CNNM1: variants seen among roughly 807,000 people sequenced by gnomAD.
CNNM1 encodes the protein cyclin and CBS domain divalent metal cation transport mediator 1, also known as metal transporter CNNM1.
A neutral mutation model predicts 78.8 loss-of-function variants in CNNM1; 44 were observed. That is an observed-to-expected ratio of 0.56 (90% CI 0.44 to 0.72). The LOEUF (loss-of-function observed/expected upper bound fraction) is 0.72. CNNM1 is among the 30% of genes least tolerant of loss of function. The pLI, the probability that CNNM1 is intolerant of heterozygous loss-of-function variation, is 0.00. For synonymous variants in CNNM1, 584 were observed against 581.5 expected, an observed-to-expected ratio of 1.00 and a Z score of -0.06; for missense variants, 1,101 against 1,292.2, an observed-to-expected ratio of 0.85 and a Z score of 2.27.
Position 99,385,277 on chromosome 10 carries a change from C to A in CNNM1, c.2341-2543C>A, listed in dbSNP as rs11190078. On this transcript the variant is annotated intron_variant, in intron 7 of 10. Coordinates refer to ENST00000356713, the MANE Select transcript of CNNM1 (RefSeq NM_020348.3). ...TACTGAAACAGCCCCTTCCTTCTCT[C>A]TTCCTCCTCTCCTTTCTTCACTCAC... Among the ~76,000 whole-genome samples the A allele has an allele frequency of 8.4e-4, 128 of 152,318 alleles. 4 individuals are homozygous for A. In the East Asian group the frequency reaches 0.022, roughly 26 times the overall value.
Position 99,330,488 on chromosome 10 carries a change from A to G in CNNM1, c.1101A>G (p.Ala367=), listed in dbSNP as rs1446420167. The change falls in exon 1 of 11, where the codon GCA becomes GCG. Residue 367 remains alanine (A), a synonymous_variant. Coordinates refer to ENST00000356713, the MANE Select transcript of CNNM1 (RefSeq NM_020348.3). ...HSVCLTRLLM[A]AAFPVCYPLG... ...TGTGCCTGACCCGGCTTCTGATGGC[A>G]GCCGCCTTCCCCGTGTGCTACCCGC... 3 of 1,584,006 alleles carry G rather than the reference A, an allele frequency of 1.9e-6. No homozygotes were observed. In the African/African-American group the frequency reaches 4.0e-5, roughly 21 times the overall value.
intron 7 of CNNM1, among the ~76,000 whole-genome samples, chr10:99,377,757 C>CT (rs1344617311): frequency 2.0e-5 from 3 of 152,078 alleles, no homozygotes; most frequent in African/African-American, 7.2e-5. Flanking sequence ...AACTGAAAAT[C>CT]TTTTGTAGTC....
At chr10:99,387,746 G>T in intron 7 of CNNM1, 74 bp from the exon 8 acceptor site, 1 of 1,435,058 alleles carries the variant, frequency 7.0e-7, no homozygotes, top group East Asian at 2.5e-5. Flanking sequence ...GGCTGCCCCC[G>T]AGCCTGGGAA....
At chr10:99,372,287 A>C (rs1169904024) in intron 6 of CNNM1, among the ~76,000 whole-genome samples, 1 of 152,170 alleles carries the variant, frequency 6.6e-6, no homozygotes, top group East Asian at 1.9e-4. Context: ...AACCCAGGAC[A>C]GATATCTGTT....
In CNNM1 at chr10:99,329,872, T is replaced by C. The variant is rs1387943533; in HGVS notation, c.485T>C (p.Val162Ala). 1 of 1,398,484 alleles carries C rather than the reference T, an allele frequency of 7.2e-7. No homozygotes were observed. The highest frequency in any genetic ancestry group is 3.0e-5 in the East Asian group (1 of 33,486). The allele number at this position is 1,398,484 out of a possible 1,614,324, so 86.6% of individuals were successfully genotyped here. A position where few individuals can be genotyped will look rare whatever the true frequency, so the allele number is the denominator to read the frequency against. ...GTGGCAGGCTCGGCCCTGGTCCAGGTGCGAGTGCGGGAGCTGCGCAAGGGC... is the reference window on the plus strand; with the variant it reads ...GTGGCAGGCTCGGCCCTGGTCCAGGCGCGAGTGCGGGAGCTGCGCAAGGGC... ...GGVAGSALVQ[V>A]RVRELRKGEA... The change falls in exon 1 of 11, where the codon GTG (valine) becomes GCG (alanine). Residue 162 changes from valine (V) to alanine (A), a missense_variant. Coordinates refer to ENST00000356713, the MANE Select transcript of CNNM1 (RefSeq NM_020348.3).
intron 7 of CNNM1, among the ~76,000 whole-genome samples, chr10:99,385,157 C>CAACAGTA: frequency 6.6e-6 from 1 of 152,218 alleles, no homozygotes; most frequent in East Asian, 1.9e-4. Flanking sequence ...GAGCATTTTG[C>CAACAGTA]AACAGTAGTC....
At chr10:99,344,987 C>T (rs1490428132) in intron 1 of CNNM1, among the ~76,000 whole-genome samples, 1 of 152,164 alleles carries the variant, frequency 6.6e-6, no homozygotes, top group Non-Finnish European at 1.5e-5. Flanking sequence ...ACGTCAGAGA[C>T]AGTAAACCTG....
intron 6 of CNNM1, among the ~76,000 whole-genome samples, chr10:99,370,052 TG>T (rs1206538845): frequency 2.6e-5 from 4 of 152,208 alleles, no homozygotes; most frequent in African/African-American, 9.6e-5. Context: ...CCTAGTTAAT[TG>T]TAACTTCCCA....
chr10:99,342,775 C>T (rs1379085016), intron 1 of CNNM1, among the ~76,000 whole-genome samples: 1 of 151,944 alleles, frequency 6.6e-6, no homozygotes, highest in Admixed American at 6.6e-5. Context: ...AGATTAGGAG[C>T]TCAGAGCCCT....
At chr10:99,368,499 T>C in intron 6 of CNNM1, 1 of 465,374 alleles carries the variant, frequency 2.1e-6, no homozygotes, top group Non-Finnish European at 3.9e-6. Context: ...TGCAGAGAAA[T>C]GTGATGTTGT....
Position 99,390,390 on chromosome 10 carries a change from A to G in CNNM1, c.2759A>G (p.Lys920Arg), listed in dbSNP as rs1356462463. 1 of 1,612,296 alleles carries G rather than the reference A, an allele frequency of 6.2e-7. No individual in the cohort carries two copies. Among genetic ancestry groups the G allele is most frequent in the South Asian group, 1.1e-5 (1 of 90,448 alleles). ...GATTTTGAGGAAAACGTGGGCAAGA[A>G]GCTGCTGAGAACCTTGAGTGAGTAG... ...SSDFEENVGKKLLRTLSGQKR... is the reference protein window; with the variant it reads ...SSDFEENVGKRLLRTLSGQKR... The change falls in exon 10 of 11, where the codon AAG becomes AGG. Residue 920 changes from lysine to arginine, a missense_variant. By Grantham distance (26) the Lys-to-Arg change is conservative. This residue lies in a region of CNNM1 where 348 missense variants were observed against 384.5 expected (regional missense o/e 0.90). Transcript: ENST00000356713.
chr10:99,360,402 T>A (rs1168820025), intron 2 of CNNM1, among the ~76,000 whole-genome samples: 1 of 152,214 alleles, frequency 6.6e-6, no homozygotes, highest in Non-Finnish European at 1.5e-5. Context: ...CCCTTGTGTG[T>A]GTATGACTTT....
chr10:99,349,738 C>T (rs549510797), intron 1 of CNNM1, among the ~76,000 whole-genome samples: 93 of 152,294 alleles, frequency 6.1e-4, no homozygotes, highest in Non-Finnish European at 2.8e-4. Context: ...CAGTGGCTCA[C>T]GCCCGTAATC....
At chr10:99,378,440 T>C (rs1257980410) in intron 7 of CNNM1, among the ~76,000 whole-genome samples, 5 of 152,200 alleles carry the variant, frequency 3.3e-5, no homozygotes, top group Non-Finnish European at 7.3e-5. Context: ...GGTCCTTCTT[T>C]CCAGAACGCA....
intron 1 of CNNM1, among the ~76,000 whole-genome samples, chr10:99,351,847 G>A (rs565257587): frequency 7.9e-5 from 12 of 152,222 alleles, no homozygotes; most frequent in Non-Finnish European, 1.6e-4. Context: ...TTCTCTTTAC[G>A]AAGCAGTCCC....
intron 2 of CNNM1, among the ~76,000 whole-genome samples, chr10:99,358,129 G>A (rs868553875): frequency 5.3e-5 from 8 of 152,110 alleles, no homozygotes; most frequent in Non-Finnish European, 1.0e-4. Context: ...GCCAAAAACT[G>A]AATACTCCTT....
At chr10:99,337,633 A>G (rs553186859) in intron 1 of CNNM1, among the ~76,000 whole-genome samples, 1 of 152,206 alleles carries the variant, frequency 6.6e-6, no homozygotes, top group Non-Finnish European at 1.5e-5. Context: ...GCATATCTCA[A>G]TCATTGAACT....
intron 4 of CNNM1, 141 bp from the exon 5 acceptor site, chr10:99,364,276 A>T: frequency 1.6e-6 from 1 of 609,498 alleles, no homozygotes; most frequent in South Asian, 2.2e-5. Context: ...GTAAATCTGG[A>T]GAGAATTAAC....
At chr10:99,361,724 G>C (rs141279280) in intron 3 of CNNM1, among the ~76,000 whole-genome samples, 1 of 152,148 alleles carries the variant, frequency 6.6e-6, no homozygotes, top group Non-Finnish European at 1.5e-5. Flanking sequence ...AGCAATAGCT[G>C]TAATATATAA....
Sources: gnomAD v4.1 joint callset for allele counts (sites outside exome capture counted in the v4.1 genomes callset) on GRCh38, gnomAD v4.1.1 for gene constraint, gnomAD v4.1.1 regional missense constraint, MANE v1.5 for transcripts, NCBI Gene and HGNC (gene_info 2026-07-23, HGNC 2026-07-21) for gene names.